The following KIDINS220 variants were observed in gnomAD, a reference collection of about 807,000 sequenced individuals.
KIDINS220 encodes the protein kinase D-interacting substrate of 220 kDa.
A neutral mutation model predicts 157.6 loss-of-function variants in KIDINS220; 63 were observed. The observed-to-expected ratio is 0.40, with a 90% CI of 0.33 to 0.49. The LOEUF (loss-of-function observed/expected upper bound fraction) is 0.49, where lower values mean the gene tolerates loss of function less well. KIDINS220 is among the 20% of genes least tolerant of loss of function. The pLI is 0.66. For missense variants in KIDINS220, 1,772 were observed against 2,171.2 expected, an observed-to-expected ratio of 0.82 and a Z score of 3.65; for synonymous variants, 732 against 783.6, an observed-to-expected ratio of 0.93 and a Z score of 1.10.
chr2:8,836,273 C>A (rs10173234), intron 1 of KIDINS220, among the ~76,000 whole-genome samples: 15,161 of 151,854 alleles, frequency 0.1, 988 homozygotes, highest in East Asian at 0.21. Flanking sequence ...CCTTCCACCA[C>A]CCCAGCTGGG....
chr2:8,825,786 A>T (rs936796338), intron 2 of KIDINS220: 3 of 152,184 alleles, frequency 2.0e-5, no homozygotes, highest in African/African-American at 7.2e-5. Flanking sequence ...TGTCCTGCCA[A>T]ATAATAATAG....
chr2:8,752,628 C>T (rs1394197073), intron 22 of KIDINS220, among the ~76,000 whole-genome samples: 2 of 151,940 alleles, frequency 1.3e-5, no homozygotes, highest in African/African-American at 2.4e-5. Context: ...GGTTCTGAAA[C>T]CCATGTTTTA....
chr2:8,820,734 C>T (rs910081916), intron 2 of KIDINS220, among the ~76,000 whole-genome samples: 1 of 152,038 alleles, frequency 6.6e-6, no homozygotes, highest in Admixed American at 6.6e-5. Flanking sequence ...TTATGATAAT[C>T]ATCACTCTGA....
Position 8,737,197 on chromosome 2 carries a change from A to C in KIDINS220, c.3586-198T>G. ...TAACCTAATGAGTAGCTTTTATTACAGCTGATACAGCCTGGTCAAAACCAT... is the reference window on the plus strand; with the variant it reads ...TAACCTAATGAGTAGCTTTTATTACCGCTGATACAGCCTGGTCAAAACCAT... On this transcript the variant is annotated intron_variant, in intron 26 of 29. Coordinates refer to ENST00000256707, the MANE Select transcript of KIDINS220 (RefSeq NM_020738.4). 3 of 498,256 alleles carry C rather than the reference A, an allele frequency of 6.0e-6. No homozygotes were observed. In the South Asian group the frequency reaches 1.0e-4, roughly 17 times the overall value. The allele number at this position is 498,256 out of a possible 1,614,324, so 30.9% of individuals were successfully genotyped here.
intron 11 of KIDINS220, 127 bp downstream of exon 11, chr2:8,796,644 C>G: frequency 3.9e-6 from 3 of 762,964 alleles, no homozygotes; most frequent in South Asian, 3.1e-5. Flanking sequence ...AAAGCCCACA[C>G]AGACATCCCC....
chr2:8,781,757 G>A (rs1671754125), intron 17 of KIDINS220, among the ~76,000 whole-genome samples: 1 of 152,146 alleles, frequency 6.6e-6, no homozygotes, highest in Non-Finnish European at 1.5e-5. Flanking sequence ...TTTGTGGGAC[G>A]CAACAAAAGA....
intron 11 of KIDINS220, among the ~76,000 whole-genome samples, chr2:8,795,259 T>C (rs1558439121): frequency 6.6e-6 from 1 of 152,222 alleles, no homozygotes; most frequent in Non-Finnish European, 1.5e-5. Flanking sequence ...GAATGTCTTA[T>C]CAGCCCTCAA....
chr2:8,744,386 AAAATATATATATATAATATATATAT>A (rs1666184843), intron 26 of KIDINS220, among the ~76,000 whole-genome samples: 6 of 26,868 alleles, frequency 2.2e-4, no homozygotes, highest in African/African-American at 5.5e-4. Flanking sequence ...AAAAAAAAAA[AAAATATATATATATAATATATATAT>A]ATATATATAT....
In KIDINS220 at chr2:8,800,437, A is replaced by C; in HGVS notation, c.863T>G (p.Leu288Arg). The C allele has an allele frequency of 6.2e-7, 1 of 1,613,526 alleles. No homozygotes were observed. The change falls in exon 9 of 30, where the codon CTT becomes CGT. Residue 288 changes from leucine to arginine, a missense_variant. By Grantham distance (102) the Leu-to-Arg change is moderately radical. Around this residue, in one of 3 missense-constraint regions of KIDINS220, gnomAD observed 725 missense variants for 1,017.1 expected, o/e 0.71. Transcript: ENST00000256707. ...RGGHVEIVRA[L>R]LQKYADIDIR... ...GTCTATATCAGCATATTTTTGGAGAAGCGCTCGAACAATTTCAACATGACC... is the reference window on the plus strand; with the variant it reads ...GTCTATATCAGCATATTTTTGGAGACGCGCTCGAACAATTTCAACATGACC...
intron 20 of KIDINS220, 24 bp from the exon 21 acceptor site, chr2:8,776,916 GA>G: frequency 6.2e-7 from 1 of 1,611,232 alleles, no homozygotes; most frequent in Non-Finnish European, 8.5e-7. Flanking sequence ...TCGTCAGTGA[GA>G]AGGAACCCAC....
chr2:8,837,125 A>G (rs1196204465), intron 1 of KIDINS220, among the ~76,000 whole-genome samples: 1 of 152,136 alleles, frequency 6.6e-6, no homozygotes, highest in Non-Finnish European at 1.5e-5. Context: ...GGGGGCTCTC[A>G]AGGTGGTGGA....
chr2:8,800,123 T>C (rs1674487264), intron 9 of KIDINS220: 1 of 313,268 alleles, frequency 3.2e-6, no homozygotes, highest in Non-Finnish European at 5.8e-6. Context: ...CTACTCATTA[T>C]AGTTCTGAGG....
At chr2:8,760,841 G>A (rs1428957411) in intron 22 of KIDINS220, among the ~76,000 whole-genome samples, 1 of 152,158 alleles carries the variant, frequency 6.6e-6, no homozygotes, top group Non-Finnish European at 1.5e-5. Flanking sequence ...TCCACTGGGA[G>A]TACAAGTCTA....
chr2:8,753,928 A>G (rs1667687145), intron 22 of KIDINS220, among the ~76,000 whole-genome samples: 1 of 152,216 alleles, frequency 6.6e-6, no homozygotes, highest in Non-Finnish European at 1.5e-5. Context: ...CACATGCACA[A>G]GACAGAAAAG....
chr2:8,837,041 AG>A (rs2148475411), intron 1 of KIDINS220, among the ~76,000 whole-genome samples: 1 of 152,310 alleles, frequency 6.6e-6, no homozygotes, highest in South Asian at 2.1e-4. Context: ...GATAAAAGCA[AG>A]GGAGAAAACA....
chr2:8,794,114 A>G, intron 11 of KIDINS220, 127 bp from the exon 12 acceptor site: 1 of 642,234 alleles, frequency 1.6e-6, no homozygotes, highest in Non-Finnish European at 2.5e-6. Context: ...TAAAGCACAT[A>G]TATAATATGA....
chr2:8,790,209 C>G (rs933658735), intron 13 of KIDINS220, 150 bp from the exon 14 acceptor site: 2 of 703,164 alleles, frequency 2.8e-6, no homozygotes, highest in African/African-American at 1.8e-5. Flanking sequence ...AACCATTTTA[C>G]CCAGTGTTCT....
intron 17 of KIDINS220, among the ~76,000 whole-genome samples, 159 bp downstream of exon 17, chr2:8,785,577 CTTAAA>C (rs1014497462): frequency 3.9e-5 from 6 of 152,100 alleles, no homozygotes; most frequent in African/African-American, 7.2e-5. Context: ...TTAAAACTAC[CTTAAA>C]TTATAGTCTT....
intron 12 of KIDINS220, among the ~76,000 whole-genome samples, chr2:8,792,680 G>A (rs1483615452): frequency 6.6e-6 from 1 of 152,192 alleles, no homozygotes; most frequent in Non-Finnish European, 1.5e-5. Flanking sequence ...CACTGCCAGA[G>A]GGAGAAGAAA....
Sources: allele counts gnomAD v4.1 joint callset (sites outside exome capture counted in the v4.1 genomes callset), GRCh38; gene constraint gnomAD v4.1.1; regional missense constraint gnomAD v4.1.1; transcripts MANE v1.5; gene names NCBI Gene and HGNC (gene_info 2026-07-23, HGNC 2026-07-21).